The following DST variants were observed in gnomAD, a reference collection of about 807,000 sequenced individuals.
The protein encoded by DST is bullous pemphigoid antigen.
DST carries 253 observed loss-of-function variants against 875.2 expected under a neutral mutation model. That is an observed-to-expected ratio of 0.29 (90% confidence interval 0.26 to 0.32). The LOEUF (loss-of-function observed/expected upper bound fraction) is 0.32, where lower values mean the gene tolerates loss of function less well. DST is among the 10% of genes least tolerant of loss of function. The pLI is 1.00. For synonymous variants in DST, 3,124 were observed against 3,197.1 expected (o/e 0.98, Z 0.77); for missense variants, 8,287 against 9,111.6 (o/e 0.91, Z 3.68).
At chr6:56,767,524 C>A (rs55667209) in intron 4 of DST, among the ~76,000 whole-genome samples, 5,221 of 151,828 alleles carry the variant, frequency 0.034, 98 homozygotes, top group Non-Finnish European at 0.054. Flanking sequence ...AGCTGAGATA[C>A]GAGAATTGCT....
rs1211583432 is a variant in DST, at chr6:56,572,908, G to A, written c.13393C>T (p.His4465Tyr). 2 of 1,613,390 alleles carry A rather than the reference G, an allele frequency of 1.2e-6. No individual in the cohort carries two copies. The highest frequency in any genetic ancestry group is 3.3e-5 in the Admixed American group (2 of 59,860). ...SARFSEASHKHKETLAKMEEL... is the reference protein window; with the variant it reads ...SARFSEASHKYKETLAKMEEL... ...TCCATTTTGGCAAGAGTTTCTTTGT[G>A]TTTATGACTTGCTTCTGAAAACCGA... Residue 4465 changes from histidine (H) to tyrosine (Y), a missense_variant, in exon 52 of 104, where the codon CAC becomes TAC. His to Tyr is a moderately conservative substitution (Grantham distance 83, BLOSUM62 2). Transcript: ENST00000680361.
intron 15 of DST, among the ~76,000 whole-genome samples, chr6:56,643,352 AACC>A (rs1276692263): frequency 2.0e-5 from 3 of 152,254 alleles, no homozygotes; most frequent in Admixed American, 6.5e-5. Flanking sequence ...CTTCCATTTT[AACC>A]ACCATGTCAT....
chr6:56,628,260 G>A (rs1289705098), intron 32 of DST, 99 bp from the exon 33 acceptor site: 5 of 1,066,982 alleles, frequency 4.7e-6, no homozygotes, highest in Non-Finnish European at 7.1e-6. Context: ...GGACTGCAAT[G>A]AACTAAGCAC....
At position 56,497,912 on chromosome 6, in the gene DST, T is replaced by C. The variant is rs1354981797; in HGVS notation, c.20038A>G (p.Asn6680Asp). ...CTTTGTTCTGTTTTTTCCAAAACAT[T>C]TTGCCAGCGTTGATTTAAAACCTCT... ...KLEVLNQRWQ[N>D]VLEKTEQRKQ... The change falls in exon 81 of 104, where the codon AAT (asparagine) becomes GAT (aspartate). Residue 6680 changes from asparagine to aspartate, a missense_variant. By Grantham distance (23) the Asn-to-Asp change is conservative. This residue lies in a region of DST where 1,292 missense variants were observed against 1,552.7 expected (regional missense o/e 0.83). Transcript: ENST00000680361. The C allele has an allele frequency of 1.2e-6, 2 of 1,613,256 alleles. No individual in the cohort carries two copies. The highest frequency in any genetic ancestry group is 1.7e-6 in the Non-Finnish European group (2 of 1,179,494).
At chr6:56,915,257 T>A (rs1224327293) in intron 2 of DST, among the ~76,000 whole-genome samples, 2 of 152,194 alleles carry the variant, frequency 1.3e-5, no homozygotes, top group Non-Finnish European at 2.9e-5. Flanking sequence ...TAAGATAACG[T>A]CCTTCTCAAG....
intron 56 of DST, 51 bp from the exon 57 acceptor site, chr6:56,561,600 C>T (rs2097536570): frequency 2.6e-6 from 4 of 1,551,024 alleles, no homozygotes; most frequent in Middle Eastern, 1.7e-4. Flanking sequence ...ACATTTGGAG[C>T]AGAGGTCTAG....
At chr6:56,685,285 C>T (rs928538286) in intron 9 of DST, among the ~76,000 whole-genome samples, 3 of 152,102 alleles carry the variant, frequency 2.0e-5, no homozygotes, top group Non-Finnish European at 4.4e-5. Flanking sequence ...GGACCTTAAA[C>T]AAATCAACAA....
chr6:56,712,008 G>A (rs938241110), intron 5 of DST, among the ~76,000 whole-genome samples: 7 of 147,660 alleles, frequency 4.7e-5, no homozygotes, highest in East Asian at 2.0e-4. Context: ...GGAGAATGGC[G>A]TGAACCCGGG....
intron 53 of DST, among the ~76,000 whole-genome samples, chr6:56,570,223 T>C (rs1380806963): frequency 6.6e-6 from 1 of 152,092 alleles, no homozygotes; most frequent in East Asian, 1.9e-4. Context: ...AGAAGATAAT[T>C]TTTTCCACAG....
intron 4 of DST, among the ~76,000 whole-genome samples, chr6:56,753,362 G>A (rs1008968098): frequency 6.6e-6 from 1 of 152,140 alleles, no homozygotes; most frequent in Non-Finnish European, 1.5e-5. Flanking sequence ...TCAGTTTAGA[G>A]AGCACCAACT....
intron 4 of DST, among the ~76,000 whole-genome samples, chr6:56,748,341 C>A (rs761852626): frequency 6.6e-6 from 1 of 152,128 alleles, no homozygotes; most frequent in African/African-American, 2.4e-5. Flanking sequence ...AAGGAATCTA[C>A]ATAAACCTAG....
intron 3 of DST, among the ~76,000 whole-genome samples, chr6:56,898,000 T>C (rs139138831): frequency 1.3e-5 from 2 of 152,290 alleles, no homozygotes; most frequent in Non-Finnish European, 2.9e-5. Flanking sequence ...GCTCCACCTA[T>C]AGGCTGATGA....
At chr6:56,645,744 T>C in intron 15 of DST, 122 bp downstream of exon 15, 1 of 1,155,710 alleles carries the variant, frequency 8.7e-7, no homozygotes, top group South Asian at 1.6e-5. Context: ...AAATGGAGGA[T>C]CAAAAGGATT....
chr6:56,734,356 G>A (rs530439772), intron 5 of DST, among the ~76,000 whole-genome samples: 1 of 152,256 alleles, frequency 6.6e-6, no homozygotes, highest in Admixed American at 6.5e-5. Context: ...ATGACTAAAC[G>A]CAATTTACAT....
chr6:56,676,885 T>C (rs1411888355), intron 9 of DST, among the ~76,000 whole-genome samples: 1 of 151,868 alleles, frequency 6.6e-6, no homozygotes, highest in African/African-American at 2.4e-5. Flanking sequence ...TGCGGGGTGG[T>C]TGGGGTGGAA....
chr6:56,721,315 A>C (rs2099415654), intron 5 of DST, among the ~76,000 whole-genome samples: 1 of 152,264 alleles, frequency 6.6e-6, no homozygotes. Flanking sequence ...TAACGCAATT[A>C]TCACAGGGTC....
Position 56,464,710 on chromosome 6 carries a change from T to A in DST, c.22734A>T (p.Ser7578=). Residue 7578 remains serine, a synonymous_variant, in exon 100 of 104, where the codon TCA becomes TCT. Transcript: ENST00000680361. ...CTATAGTAGGCTGAGTAGTAGTAAT[T>A]GAAGAGTTTGATTCCGAACGTAACA... is the stretch of plus-strand genomic sequence containing the variant. ...SKMLRSESNS[S]ITTTQPTIAK... 1.9e-6 allele frequency: 3 copies of A among 1,600,328 alleles called. No homozygotes were observed. The highest frequency in any genetic ancestry group is 2.6e-6 in the Non-Finnish European group (3 of 1,173,566).
intron 4 of DST, among the ~76,000 whole-genome samples, chr6:56,820,391 A>G (rs2099771737): frequency 6.6e-6 from 1 of 152,214 alleles, no homozygotes; most frequent in Admixed American, 6.5e-5. Flanking sequence ...GCCAATTGTT[A>G]AGCAAAGCCT....
At chr6:56,684,754 G>A (rs1011209560) in intron 9 of DST, among the ~76,000 whole-genome samples, 1 of 152,198 alleles carries the variant, frequency 6.6e-6, no homozygotes, top group Non-Finnish European at 1.5e-5. Context: ...CCAGGAAAAT[G>A]GCTGCACATA....
Sources: allele counts gnomAD v4.1 joint callset (sites outside exome capture counted in the v4.1 genomes callset), GRCh38; gene constraint gnomAD v4.1.1; regional missense constraint gnomAD v4.1.1; transcripts MANE v1.5; gene names NCBI Gene and HGNC (gene_info 2026-07-23, HGNC 2026-07-21).